The following MIR2052HG variants were observed in gnomAD, a reference collection of about 807,000 sequenced individuals.
MIR2052HG encodes MIR2052 host gene.
chr8:74,651,513 A>C (rs1808752331), intron 2 of MIR2052HG, among the ~76,000 whole-genome samples: 2 of 152,170 alleles, frequency 1.3e-5, no homozygotes, highest in South Asian at 4.1e-4. Context: ...AAGAATCTTA[A>C]AACTATGGAA....
At chr8:74,665,014 T>A (rs749413815) in intron 2 of MIR2052HG, among the ~76,000 whole-genome samples, 1 of 152,210 alleles carries the variant, frequency 6.6e-6, no homozygotes, top group Non-Finnish European at 1.5e-5. Flanking sequence ...ATTCTCAGTG[T>A]ATTTCCTGGC....
At chr8:74,675,865 G>A (rs1809045968) in intron 2 of MIR2052HG, among the ~76,000 whole-genome samples, 1 of 151,838 alleles carries the variant, frequency 6.6e-6, no homozygotes, top group Non-Finnish European at 1.5e-5. Flanking sequence ...GTCCTTATTA[G>A]TACATGCTTC....
chr8:74,628,647 T>C lies in MIR2052HG; in HGVS notation n.216+15707T>C, dbSNP rs1427494069. Among the ~76,000 whole-genome samples, 7 of 152,322 alleles carry C rather than the reference T, an allele frequency of 4.6e-5. No individual in the cohort carries two copies. In the South Asian group the frequency reaches 1.4e-3, roughly 32 times the overall value. ...AAGTACTTAGAAGGTGTTTTTTAATTCTGAGTGATGATCAAAGGTTACCAA... is the reference window on the plus strand; with the variant it reads ...AAGTACTTAGAAGGTGTTTTTTAATCCTGAGTGATGATCAAAGGTTACCAA... On this transcript the variant is annotated intron_variant and non_coding_transcript_variant, in intron 2 of 6. Transcript: ENST00000523442.
rs1246857336 is a variant in MIR2052HG at position 74,719,851 on chromosome 8, T to TTTC, written n.371+16171_371+16172insCTT. On this transcript the variant is annotated intron_variant and non_coding_transcript_variant, in intron 4 of 6. Transcript: ENST00000523442. ...CTTCTTTTTTTTTTTTCTTTTTTCTTTTTTTTTTTTTTTTTGAGAGGGAGT... is the reference window on the plus strand; with the variant it reads ...CTTCTTTTTTTTTTTTCTTTTTTCTTTTCTTTTTTTTTTTTTTTGAGAGGGAGT... Among the ~76,000 whole-genome samples, 947 of 131,112 alleles carry TTTC rather than the reference T, an allele frequency of 7.2e-3. 13 individuals carry two copies. Among genetic ancestry groups the TTTC allele is most frequent in the South Asian group, 0.038 (160 of 4,234 alleles). 86.0% of individuals were successfully genotyped at this position (131,112 alleles called of 152,430 possible).
intron 4 of MIR2052HG, among the ~76,000 whole-genome samples, chr8:74,726,633 A>G (rs1165060476): frequency 6.6e-6 from 1 of 152,242 alleles, no homozygotes; most frequent in Non-Finnish European, 1.5e-5. Context: ...TTGATTCTCA[A>G]AAGCATCCTT....
intron 2 of MIR2052HG, among the ~76,000 whole-genome samples, chr8:74,654,797 C>T (rs980431573): frequency 3.3e-5 from 5 of 152,044 alleles, no homozygotes; most frequent in South Asian, 4.1e-4. Context: ...AATGTGGAAG[C>T]GACTTTGGAA....
At chr8:74,628,880 T>C (rs898840733) in intron 2 of MIR2052HG, 3 of 130,494 alleles carry the variant, frequency 2.3e-5, no homozygotes, top group African/African-American at 7.8e-5. Context: ...AAGCAGAAAA[T>C]TGCTGGAAAA....
At chr8:74,738,712 C>T (rs1809796956) in intron 4 of MIR2052HG, among the ~76,000 whole-genome samples, 1 of 152,148 alleles carries the variant, frequency 6.6e-6, no homozygotes, top group South Asian at 2.1e-4. Flanking sequence ...GTGAATATTT[C>T]TCAAACCTAC....
chr8:74,649,323 C>T (rs576794817), intron 2 of MIR2052HG, among the ~76,000 whole-genome samples: 7 of 151,994 alleles, frequency 4.6e-5, no homozygotes, highest in South Asian at 2.1e-4. Context: ...TCAGTTCCTT[C>T]GGTTTTGCAT....
intron 2 of MIR2052HG, among the ~76,000 whole-genome samples, chr8:74,619,154 C>T (rs950317286): frequency 2.0e-4 from 30 of 152,042 alleles, no homozygotes; most frequent in Admixed American, 2.0e-3. Context: ...ATCCTATGTA[C>T]CTGGATTGGA....
intron 2 of MIR2052HG, among the ~76,000 whole-genome samples, chr8:74,626,136 G>C (rs1808432983): frequency 1.3e-5 from 2 of 152,180 alleles, no homozygotes; most frequent in Non-Finnish European, 2.9e-5. Flanking sequence ...TGCCCCGGGA[G>C]AACAGCACCT....
At chr8:74,702,443 A>C (rs1412596407) in exon 3 of MIR2052HG, 3 of 454,226 alleles carry the variant, frequency 6.6e-6, no homozygotes, top group South Asian at 4.7e-5. Context: ...TGATGAAGAA[A>C]AGTTCTTTGC....
chr8:74,606,461 A>G (rs2128730782), intron 1 of MIR2052HG, among the ~76,000 whole-genome samples: 1 of 152,372 alleles, frequency 6.6e-6, no homozygotes, highest in East Asian at 1.9e-4. Flanking sequence ...ACATATGTAG[A>G]AATAAAATAT....
intron 4 of MIR2052HG, among the ~76,000 whole-genome samples, chr8:74,716,698 A>G (rs1030495663): frequency 6.6e-6 from 1 of 152,128 alleles, no homozygotes; most frequent in African/African-American, 2.4e-5. Flanking sequence ...CAACAGAACA[A>G]GACTCTGTCT....
At position 74,737,941 on chromosome 8, in the gene MIR2052HG, A is replaced by G. The variant is rs541751421; in HGVS notation, n.372-14500A>G. Among the ~76,000 whole-genome samples the G allele has an allele frequency of 3.9e-5, 6 of 152,322 alleles. No individual in the cohort carries two copies. In the South Asian group the frequency reaches 1.0e-3, roughly 26 times the overall value. ...CATTTGAAAATATTTTGTTGGGTATAGTGAATAAATGACCAAGTGAATCTT... is the reference window on the plus strand; with the variant it reads ...CATTTGAAAATATTTTGTTGGGTATGGTGAATAAATGACCAAGTGAATCTT... On this transcript the variant is annotated intron_variant and non_coding_transcript_variant, in intron 4 of 6. Coordinates refer to ENST00000523442, the Ensembl canonical transcript of MIR2052HG.
At chr8:74,715,178 G>A (rs1809508367) in intron 4 of MIR2052HG, among the ~76,000 whole-genome samples, 1 of 152,156 alleles carries the variant, frequency 6.6e-6, no homozygotes, top group Non-Finnish European at 1.5e-5. Context: ...TGAACTGTGT[G>A]TGTATGAAAA....
intron 1 of MIR2052HG, among the ~76,000 whole-genome samples, chr8:74,606,185 G>T (rs1289666509): frequency 6.6e-6 from 1 of 152,190 alleles, no homozygotes; most frequent in Non-Finnish European, 1.5e-5. Context: ...TTATCAATCG[G>T]ATGAATTCCT....
intron 4 of MIR2052HG, among the ~76,000 whole-genome samples, chr8:74,742,049 T>A (rs575559298): frequency 2.0e-5 from 3 of 152,302 alleles, no homozygotes; most frequent in South Asian, 4.1e-4. Context: ...ATTTTTTAAG[T>A]AAGTGAATTC....
intron 4 of MIR2052HG, among the ~76,000 whole-genome samples, chr8:74,731,981 C>G (rs1297267816): frequency 6.6e-6 from 1 of 152,104 alleles, no homozygotes; most frequent in African/African-American, 2.4e-5. Context: ...ATTCTGAGTT[C>G]ATTTTAGCTG....
Sources: allele counts gnomAD v4.1 joint callset (sites outside exome capture counted in the v4.1 genomes callset), GRCh38; gene constraint gnomAD v4.1.1; transcripts MANE v1.5; gene names NCBI Gene and HGNC (gene_info 2026-07-23, HGNC 2026-07-21).